ERCC1: variants seen among roughly 807,000 people sequenced by gnomAD.
ERCC1 encodes the protein ERCC excision repair 1, endonuclease non-catalytic subunit, also known as DNA excision repair protein ERCC-1.
In ERCC1, 36 loss-of-function variants were observed where a neutral mutation model predicts 37.6. That is an observed-to-expected ratio of 0.96 (90% CI 0.73 to 1.26). The LOEUF (loss-of-function observed/expected upper bound fraction) is 1.26. ERCC1 is among the 50% of genes most tolerant of loss of function. The pLI, the probability that ERCC1 is intolerant of heterozygous loss-of-function variation, is 0.00. For missense variants in ERCC1, 349 were observed against 376.5 expected, an observed-to-expected ratio of 0.93 and a Z score of 0.60; for synonymous variants, 156 against 162.1, an observed-to-expected ratio of 0.96 and a Z score of 0.28.
intron 1 of ERCC1, among the ~76,000 whole-genome samples, chr19:45,432,257 A>G (rs1974853471): frequency 6.6e-6 from 1 of 151,396 alleles, no homozygotes; most frequent in South Asian, 2.1e-4. Context: ...GGCATGAGCC[A>G]CCACGCCTGG....
At chr19:45,421,044 T>G in intron 3 of ERCC1, 134 bp downstream of exon 3, 1 of 619,786 alleles carries the variant, frequency 1.6e-6, no homozygotes, top group Non-Finnish European at 2.9e-6. Context: ...TGCTGTCGAA[T>G]GAATGAATGA....
Position 45,408,247 on chromosome 19 carries a change from C to T in ERCC1, c.*1428G>A, listed in dbSNP as rs1261702970. The T allele has an allele frequency of 2.5e-6, 4 of 1,614,118 alleles. No individual in the cohort carries two copies. On this transcript the variant is annotated 3_prime_UTR_variant, in exon 10 of 10. Transcript: ENST00000300853. ...GCTGTCCCCAAGCTGGAGAAGCGACCCTGCTGGCCCCCTCAACGGAGGCAG... is the reference window on the plus strand; with the variant it reads ...GCTGTCCCCAAGCTGGAGAAGCGACTCTGCTGGCCCCCTCAACGGAGGCAG...
chr19:45,409,889 A>ATTTT lies in ERCC1; in HGVS notation c.844-165_844-164insAAAA, dbSNP rs1184782156. ...ACAATCTTTTTAAGTTATTATTATT[A>ATTTT]TTATTATTTTTTTTTTTTTTGAGAT... On this transcript the variant is annotated intron_variant, in intron 9 of 9. Coordinates refer to ENST00000300853, the MANE Select transcript of ERCC1 (RefSeq NM_001983.4). The ATTTT allele has an allele frequency of 2.1e-4, 49 of 237,674 alleles. No individual in the cohort carries two copies. In the South Asian group the frequency reaches 3.8e-3, roughly 19 times the overall value. The allele number at this position is 237,674 out of a possible 1,614,324, so 14.7% of individuals were successfully genotyped here.
intron 2 of ERCC1, 132 bp downstream of exon 2, chr19:45,423,137 CA>C (rs2123537393): frequency 1.2e-6 from 1 of 838,028 alleles, no homozygotes; most frequent in East Asian, 2.7e-5. Context: ...TGGGGAGGAC[CA>C]AGGACTGTTT....
intron 1 of ERCC1, among the ~76,000 whole-genome samples, chr19:45,438,372 C>T (rs57318645): frequency 0.016 from 2,364 of 152,260 alleles, 66 homozygotes; most frequent in African/African-American, 0.054. Context: ...CTGGCCCTGA[C>T]ATCTTGATGT....
intron 1 of ERCC1, among the ~76,000 whole-genome samples, chr19:45,446,871 G>T (rs1453515294): frequency 1.3e-5 from 2 of 152,118 alleles, no homozygotes; most frequent in African/African-American, 4.8e-5. Flanking sequence ...AGTGGCAGGC[G>T]CCTGTAATCT....
At position 45,416,973 on chromosome 19, in the gene ERCC1, T is replaced by G. The variant is rs898483866; in HGVS notation, c.526-76A>C. 35 of 1,059,180 alleles carry G rather than the reference T, an allele frequency of 3.3e-5. No homozygotes were observed. The African/African-American group carries it at 5.0e-4, about 15-fold the overall frequency. The allele number at this position is 1,059,180 out of a possible 1,614,324, so 65.6% of individuals were successfully genotyped here. A position where few individuals can be genotyped will look rare whatever the true frequency, so the allele number is the denominator to read the frequency against. On this transcript the variant is annotated intron_variant, in intron 5 of 9. Coordinates refer to ENST00000300853, the MANE Select transcript of ERCC1 (RefSeq NM_001983.4). ...TTAGCCAGGCGTGGTGGCAGGTGCC[T>G]GTAATCCCAGCTACTAGGGAAGCTG...
At chr19:45,410,112 C>G (rs1973620507) in intron 9 of ERCC1, 1 of 155,534 alleles carries the variant, frequency 6.4e-6, no homozygotes, top group Non-Finnish European at 1.4e-5. Flanking sequence ...TGGTCTCGAT[C>G]TCCTGACCTC....
At chr19:45,441,997 A>T (rs984754286) in intron 1 of ERCC1, among the ~76,000 whole-genome samples, 13 of 149,134 alleles carry the variant, frequency 8.7e-5, no homozygotes, top group Non-Finnish European at 1.9e-4. Flanking sequence ...TTTTTATTTT[A>T]TTTTTTTTAA....
chr19:45,449,738 G>C (rs1967056143), intron 1 of ERCC1, among the ~76,000 whole-genome samples: 1 of 152,088 alleles, frequency 6.6e-6, no homozygotes, highest in Admixed American at 6.6e-5. Context: ...GCCGAGGTGA[G>C]TGGATTACTG....
At chr19:45,409,889 A>ATTTTTTTTT (rs1184782156) in intron 9 of ERCC1, 164 bp from the exon 10 acceptor site, 54 of 237,642 alleles carry the variant, frequency 2.3e-4, no homozygotes, top group African/African-American at 7.6e-4. Context: ...TATTATTATT[A>ATTTTTTTTT]TTATTATTTT....
upstream of ERCC1, among the ~76,000 whole-genome samples, chr19:45,428,226 G>C (rs1974748368): frequency 2.0e-5 from 3 of 147,048 alleles, no homozygotes; most frequent in South Asian, 6.7e-4. Flanking sequence ...TGGACCACAG[G>C]CGCGCGCCAC....
Position 45,408,263 on chromosome 19 carries a change from A to G in ERCC1, c.*1412T>C. On this transcript the variant is annotated 3_prime_UTR_variant, in exon 10 of 10. Transcript: ENST00000300853. ...AGAAGCGACCCTGCTGGCCCCCTCA[A>G]CGGAGGCAGGAGGTGGACTCACCTG... 2 of 1,614,038 alleles carry G rather than the reference A, an allele frequency of 1.2e-6. No individual in the cohort carries two copies. Among genetic ancestry groups the G allele is most frequent in the Non-Finnish European group, 1.7e-6 (2 of 1,179,958 alleles).
At chr19:45,423,941 GGAGAGTAGAGCATAGAGCAGGGC>G, upstream of ERCC1, 1 of 1,094,296 alleles carries the variant, frequency 9.1e-7, no homozygotes, top group Non-Finnish European at 1.1e-6. Context: ...CCGCTCCCCA[GGAGAGTAGAGCATAGAGCAGGGC>G]GATCTCTGTA....
At chr19:45,414,823 G>A (rs937255413) in intron 7 of ERCC1, 38 bp downstream of exon 7, 1 of 1,437,260 alleles carries the variant, frequency 7.0e-7, no homozygotes, top group African/African-American at 1.4e-5. Context: ...GGAGCTGCGG[G>A]GAGGCCCAGG....
intron 5 of ERCC1, among the ~76,000 whole-genome samples, chr19:45,418,076 A>AG (rs1292494173): frequency 2.0e-5 from 3 of 152,150 alleles, no homozygotes; most frequent in Non-Finnish European, 4.4e-5. Context: ...ATTAAAAAAA[A>AG]AAATCACCTG....
At position 45,420,747 on chromosome 19, in the gene ERCC1, TGTCCTGTG is replaced by T. The variant is rs968594029; in HGVS notation, c.322-328_322-321del. Among the ~76,000 whole-genome samples, 9 of 152,254 alleles carry T rather than the reference TGTCCTGTG, an allele frequency of 5.9e-5. No homozygotes were observed. Among genetic ancestry groups the T allele is most frequent in the African/African-American group, 2.2e-4 (9 of 41,556 alleles). On this transcript the variant is annotated intron_variant, in intron 3 of 9. Transcript: ENST00000300853. The surrounding 1 kb of genome is among the most constrained non-coding windows in gnomAD (Gnocchi z 4.8). ...CCTCTCCCTCCAGCCCCAGTCTGCG[TGTCCTGTG>T]GTCCTGAACACTTCCTGCCCTCACG...
intron 1 of ERCC1, among the ~76,000 whole-genome samples, chr19:45,432,220 T>G (rs1185922104): frequency 1.3e-5 from 2 of 151,916 alleles, no homozygotes; most frequent in African/African-American, 4.8e-5. Context: ...TCCACCCGCC[T>G]TGGCCTCCCA....
intron 1 of ERCC1, among the ~76,000 whole-genome samples, chr19:45,443,400 T>C (rs1299333758): frequency 5.9e-5 from 9 of 152,180 alleles, no homozygotes; most frequent in Admixed American, 3.9e-4. Context: ...CTCGCGGTCA[T>C]TGGGCTGCTT....
Sources: gnomAD v4.1 joint callset for allele counts (sites outside exome capture counted in the v4.1 genomes callset) on GRCh38, gnomAD v4.1.1 for gene constraint, Gnocchi (gnomAD v3.1) non-coding constraint, MANE v1.5 for transcripts, NCBI Gene and HGNC (gene_info 2026-07-23, HGNC 2026-07-21) for gene names.